INSL6: variants seen among roughly 807,000 people sequenced by gnomAD.
INSL6 encodes insulin-like peptide INSL6.
INSL6 carries 16 observed loss-of-function variants against 9.4 expected under a neutral mutation model. That is an observed-to-expected ratio of 1.70 (90% confidence interval 1.15 to 2.59). The LOEUF is 2.59. INSL6 is among the 30% of genes most tolerant of loss of function. The pLI, the probability that INSL6 is intolerant of heterozygous loss-of-function variation, is 0.00. For synonymous variants in INSL6, 154 were observed against 96.9 expected (o/e 1.59, Z -3.46); for missense variants, 391 against 257.3 (o/e 1.52, Z -3.56).
At chr9:5,056,214 T>C in the INSL6 span, among the ~76,000 whole-genome samples, 1 of 152,088 alleles carries the variant, frequency 6.6e-6, no homozygotes, top group Admixed American at 6.5e-5. Flanking sequence ...TGTAAATCAA[T>C]CCCAGGTCAG....
At chr9:5,117,165 A>G in the INSL6 span, among the ~76,000 whole-genome samples, 1 of 152,220 alleles carries the variant, frequency 6.6e-6, no homozygotes, top group Non-Finnish European at 1.5e-5. Context: ...ACCTGCCAGC[A>G]CCTTTATCAT....
At chr9:5,109,151 AATC>A in the INSL6 span, 2 of 152,162 alleles carry the variant, frequency 1.3e-5, no homozygotes, top group East Asian at 3.9e-4. Flanking sequence ...TACATGTACC[AATC>A]ACAACACAAT....
intron 3 of INSL6, among the ~76,000 whole-genome samples, chr9:5,129,918 A>T (rs1256362973): frequency 1.3e-5 from 2 of 152,170 alleles, no homozygotes; most frequent in Non-Finnish European, 2.9e-5. Flanking sequence ...TTTTATTTCA[A>T]TATAAATAAA....
At chr9:5,035,846 C>T in the INSL6 span, among the ~76,000 whole-genome samples, 1 of 152,206 alleles carries the variant, frequency 6.6e-6, no homozygotes, top group Non-Finnish European at 1.5e-5. Context: ...TCTCTCACCA[C>T]TCCTATTCAA....
At chr9:5,097,596 T>G in the INSL6 span, 1 of 152,122 alleles carries the variant, frequency 6.6e-6, no homozygotes, top group Non-Finnish European at 1.5e-5. Context: ...CCATAATTAC[T>G]GCTATGCCTA....
chr9:5,129,885 A>C lies in INSL6; in HGVS notation c.*10+3540T>G, dbSNP rs113514812. 4.4e-3 allele frequency among the ~76,000 whole-genome samples: 673 copies of C among 152,294 alleles called. 3 individuals carry two copies. Among genetic ancestry groups the C allele is most frequent in the African/African-American group, 0.016 (647 of 41,578 alleles). On this transcript the variant is annotated intron_variant, in intron 3 of 3. Coordinates refer to the INSL6 transcript ENST00000649639. ...GCAGACTGTATACCTAAATATTAAAATATTTACTTTTATAATCTTACCTTT... is the reference window on the plus strand; with the variant it reads ...GCAGACTGTATACCTAAATATTAAACTATTTACTTTTATAATCTTACCTTT...
At chr9:5,142,215 T>C (rs1367190068) in intron 2 of INSL6, among the ~76,000 whole-genome samples, 1 of 152,182 alleles carries the variant, frequency 6.6e-6, no homozygotes, top group Non-Finnish European at 1.5e-5. Flanking sequence ...TTTGGTTCCA[T>C]GTGAATTGTA....
chr9:5,063,414 G>T, the INSL6 span, among the ~76,000 whole-genome samples: 1 of 152,232 alleles, frequency 6.6e-6, no homozygotes, highest in East Asian at 1.9e-4. Flanking sequence ...GTGTGGACTG[G>T]AAGTTTTCTG....
chr9:5,138,816 TCTC>T (rs1824434518), intron 2 of INSL6, among the ~76,000 whole-genome samples: 1 of 151,950 alleles, frequency 6.6e-6, no homozygotes, highest in East Asian at 1.9e-4. Context: ...AATTTAAAGA[TCTC>T]CTTCCTAGAT....
the INSL6 span, among the ~76,000 whole-genome samples, chr9:5,074,619 G>C: frequency 2.6e-5 from 4 of 152,162 alleles, no homozygotes; most frequent in Non-Finnish European, 5.9e-5. Context: ...CCATTCCTCT[G>C]TCTCTCTCCC....
At chr9:5,041,465 A>T in the INSL6 span, 1 of 607,528 alleles carries the variant, frequency 1.6e-6, no homozygotes, top group Non-Finnish European at 3.2e-6. Context: ...GCAGGGGCTC[A>T]AGGCTGACAC....
At chr9:5,116,635 G>C in the INSL6 span, among the ~76,000 whole-genome samples, 2 of 152,244 alleles carry the variant, frequency 1.3e-5, no homozygotes, top group African/African-American at 2.4e-5. Context: ...ATGAATACAA[G>C]CTAATAAATA....
chr9:5,063,784 A>T, the INSL6 span, among the ~76,000 whole-genome samples: 7 of 152,216 alleles, frequency 4.6e-5, no homozygotes, highest in Non-Finnish European at 1.0e-4. Context: ...TTTTGTATGT[A>T]AAAATATAAT....
the INSL6 span, among the ~76,000 whole-genome samples, chr9:5,117,857 G>GTTGTATTAA: frequency 6.6e-6 from 1 of 152,154 alleles, no homozygotes; most frequent in African/African-American, 2.4e-5. Context: ...GAGGCTAATA[G>GTTGTATTAA]TAGAGAGGCA....
the INSL6 span, among the ~76,000 whole-genome samples, chr9:5,069,486 T>A: frequency 6.6e-6 from 1 of 152,162 alleles, no homozygotes; most frequent in African/African-American, 2.4e-5. Context: ...ACTACTAAAT[T>A]CTTATGTTGT....
At chr9:5,103,029 A>T in the INSL6 span, among the ~76,000 whole-genome samples, 2 of 151,990 alleles carry the variant, frequency 1.3e-5, no homozygotes, top group Non-Finnish European at 2.9e-5. Flanking sequence ...AACAGGTTCA[A>T]ATTCACACAT....
chr9:5,181,599 A>C (rs1249759640), intron 1 of INSL6, among the ~76,000 whole-genome samples: 3 of 152,218 alleles, frequency 2.0e-5, no homozygotes, highest in Non-Finnish European at 4.4e-5. Context: ...ATAAGGCAAA[A>C]CACTTACTGC....
the INSL6 span, among the ~76,000 whole-genome samples, chr9:4,997,007 A>G: frequency 1.4e-5 from 2 of 143,098 alleles, no homozygotes; most frequent in Non-Finnish European, 3.0e-5. Context: ...GGCTCACTGC[A>G]GCCTTGCCTT....
the INSL6 span, among the ~76,000 whole-genome samples, chr9:5,046,426 C>G: frequency 6.6e-6 from 1 of 152,100 alleles, no homozygotes; most frequent in African/African-American, 2.4e-5. Context: ...TCTAATTTAT[C>G]TATTTTTTGT....
Sources: gnomAD v4.1 joint callset for allele counts (sites outside exome capture counted in the v4.1 genomes callset) on GRCh38, gnomAD v4.1.1 for gene constraint, MANE v1.5 for transcripts, NCBI Gene and HGNC (gene_info 2026-07-23, HGNC 2026-07-21) for gene names.